Variants in PIGL observed in about 807,000 individuals in gnomAD.
PIGL encodes phosphatidylinositol glycan anchor biosynthesis class L.
Under a neutral mutation model 31.1 loss-of-function variants are expected in PIGL, and 22 were observed. The ratio of observed to expected loss-of-function variants is 0.71; its 90% CI spans 0.51 to 1.01. The LOEUF (loss-of-function observed/expected upper bound fraction) is 1.01, where lower values mean the gene tolerates loss of function less well. Ranked by LOEUF, PIGL falls within the 50% of genes least tolerant of loss-of-function variation. The pLI is 0.00. For missense variants in PIGL, 302 were observed against 315.9 expected (o/e 0.96, Z 0.33); for synonymous variants, 131 against 117.4 (o/e 1.12, Z -0.75).
intron 6 of PIGL, among the ~76,000 whole-genome samples, chr17:16,320,601 T>C (rs1001457031): frequency 4.6e-5 from 7 of 152,050 alleles, no homozygotes; most frequent in African/African-American, 1.7e-4. Flanking sequence ...CTCAGGATAA[T>C]GATTTTGGTT....
At chr17:16,266,303 C>T (rs1182149270) in intron 2 of PIGL, among the ~76,000 whole-genome samples, 2 of 146,722 alleles carry the variant, frequency 1.4e-5, no homozygotes, top group African/African-American at 2.5e-5. Flanking sequence ...GCGGAAGAAT[C>T]GCTTGAACCT....
chr17:16,258,100 AGAAAGAGAGAG>A (rs2092803193), intron 2 of PIGL, among the ~76,000 whole-genome samples: 1 of 123,182 alleles, frequency 8.1e-6, no homozygotes, highest in Non-Finnish European at 1.7e-5. Flanking sequence ...AGAGAGAGAG[AGAAAGAGAGAG>A]AGAGAGAGAG....
chr17:16,292,218 A>G (rs2092964126), intron 2 of PIGL, among the ~76,000 whole-genome samples: 1 of 151,638 alleles, frequency 6.6e-6, no homozygotes, highest in Non-Finnish European at 1.5e-5. Flanking sequence ...GATTTTTAGT[A>G]GAGATGTGCT....
Position 16,299,984 on chromosome 17 carries a change from G to A in PIGL, c.426+6G>A. On this transcript the variant is annotated splice_donor_region_variant and intron_variant, in intron 3 of 6. Coordinates refer to ENST00000225609, the MANE Select transcript of PIGL (RefSeq NM_004278.4). ...AAGTGAATGGCATCAATCTGGTAAG[G>A]GGGCAGCTCCCTGAATGGAAAACCT... The A allele has an allele frequency of 6.2e-7, 1 of 1,609,556 alleles. No individual in the cohort carries two copies. Among genetic ancestry groups the A allele is most frequent in the Non-Finnish European group, 8.5e-7 (1 of 1,175,934 alleles).
At chr17:16,287,743 T>TA (rs2092944061) in intron 2 of PIGL, among the ~76,000 whole-genome samples, 1 of 152,216 alleles carries the variant, frequency 6.6e-6, no homozygotes, top group Admixed American at 6.5e-5. Flanking sequence ...TCTTTGCTCT[T>TA]ACTCTGAACA....
intron 1 of PIGL, among the ~76,000 whole-genome samples, chr17:16,230,459 A>G (rs748617543): frequency 1.3e-5 from 2 of 152,196 alleles, no homozygotes; most frequent in African/African-American, 4.8e-5. Context: ...AGATCTTGAC[A>G]TAGCATCTAA....
intron 2 of PIGL, among the ~76,000 whole-genome samples, chr17:16,266,338 G>A (rs188003170): frequency 5.8e-5 from 8 of 137,666 alleles, no homozygotes; most frequent in Admixed American, 2.4e-4. Context: ...GCAGTGAGCC[G>A]AGATCGCGCC....
intron 6 of PIGL, among the ~76,000 whole-genome samples, chr17:16,320,534 GAAGGAAGGAAGGAAGGAAGA>G (rs1230253336): frequency 8.5e-5 from 12 of 141,738 alleles, no homozygotes; most frequent in Non-Finnish European, 1.4e-4. Flanking sequence ...AAGAAAAGAA[GAAGGAAGGAAGGAAGGAAGA>G]AAGGAAGGAA....
At chr17:16,324,147 T>G (rs1381867235) in intron 6 of PIGL, among the ~76,000 whole-genome samples, 3 of 150,466 alleles carry the variant, frequency 2.0e-5, no homozygotes, top group African/African-American at 7.4e-5. Flanking sequence ...TTTTTTTTAG[T>G]AGAGATAGGG....
intron 2 of PIGL, among the ~76,000 whole-genome samples, chr17:16,255,155 T>C (rs911541935): frequency 2.0e-5 from 3 of 152,204 alleles, no homozygotes; most frequent in Non-Finnish European, 2.9e-5. Context: ...TTAAGTGAAA[T>C]TGTTTTCGTT....
At chr17:16,273,119 C>CAAGT (rs2092879318) in intron 2 of PIGL, among the ~76,000 whole-genome samples, 1 of 152,146 alleles carries the variant, frequency 6.6e-6, no homozygotes, top group African/African-American at 2.4e-5. Context: ...AATGGCAAGT[C>CAAGT]AAGTCCTTGC....
chr17:16,286,626 TG>T (rs2092939079), intron 2 of PIGL, among the ~76,000 whole-genome samples: 1 of 152,160 alleles, frequency 6.6e-6, no homozygotes, highest in Non-Finnish European at 1.5e-5. Context: ...ACTTCGAGTT[TG>T]GGGCCTTTTC....
In PIGL at chr17:16,296,779, C is replaced by T. The variant is rs187688446; in HGVS notation, c.336-3109C>T. Among the ~76,000 whole-genome samples the T allele has an allele frequency of 1.8e-4, 28 of 151,858 alleles. No individual in the cohort carries two copies. The East Asian group carries it at 4.5e-3, about 24-fold the overall frequency. ...TTGCCCAGGCTGGAGTGCAGTGGCA[C>T]GGTCTCGGCTGACTGCAAGCTCCAC... On this transcript the variant is annotated intron_variant, in intron 2 of 6. Transcript: ENST00000225609.
chr17:16,291,856 C>A (rs1270410473), intron 2 of PIGL, among the ~76,000 whole-genome samples: 2 of 149,774 alleles, frequency 1.3e-5, no homozygotes, highest in African/African-American at 4.9e-5. Flanking sequence ...GAGAGTGAGA[C>A]TCAATCTCAA....
At chr17:16,307,963 CAAA>C (rs200906989) in intron 3 of PIGL, among the ~76,000 whole-genome samples, 6 of 62,550 alleles carry the variant, frequency 9.6e-5, no homozygotes, top group Non-Finnish European at 1.0e-4. Context: ...GACCTTGTCT[CAAA>C]AAAAAAAAAA....
intron 2 of PIGL, among the ~76,000 whole-genome samples, chr17:16,284,641 C>G (rs2142800833): frequency 6.6e-6 from 1 of 152,200 alleles, no homozygotes; most frequent in South Asian, 2.1e-4. Context: ...GATCTTGTGG[C>G]CCCCACCCAG....
chr17:16,276,627 C>T (rs1435377361), intron 2 of PIGL, among the ~76,000 whole-genome samples: 1 of 152,148 alleles, frequency 6.6e-6, no homozygotes, highest in African/African-American at 2.4e-5. Context: ...ATCCCAGATA[C>T]TCAGGAGGCT....
At chr17:16,293,490 T>C (rs546069302) in intron 2 of PIGL, among the ~76,000 whole-genome samples, 1 of 152,296 alleles carries the variant, frequency 6.6e-6, no homozygotes, top group South Asian at 2.1e-4. Flanking sequence ...ATCGCACCAC[T>C]GCACTCCAGC....
intron 2 of PIGL, among the ~76,000 whole-genome samples, chr17:16,240,504 GT>G (rs1283674033): frequency 2.6e-5 from 4 of 151,734 alleles, no homozygotes; most frequent in Non-Finnish European, 1.5e-5. Flanking sequence ...GTTTTCTTTT[GT>G]TTTTTTCATT....
Sources: gnomAD v4.1 joint callset for allele counts (sites outside exome capture counted in the v4.1 genomes callset) on GRCh38, gnomAD v4.1.1 for gene constraint, MANE v1.5 for transcripts, NCBI Gene and HGNC (gene_info 2026-07-23, HGNC 2026-07-21) for gene names.